FGF14: variants seen among roughly 807,000 people sequenced by gnomAD.
FGF14 encodes fibroblast growth factor homologous factor 4.
In FGF14, 5 loss-of-function variants were observed where a neutral mutation model predicts 25.5. The observed-to-expected ratio is 0.20, with a 90% CI of 0.10 to 0.41. The LOEUF is 0.41. FGF14 is among the 10% of genes least tolerant of loss of function. The pLI, the probability that FGF14 is intolerant of heterozygous loss-of-function variation, is 1.00. For missense variants in FGF14, 222 were observed against 320.1 expected (o/e 0.69, Z 2.34); for synonymous variants, 138 against 118.3 (o/e 1.17, Z -1.08).
Position 102,400,744 on chromosome 13 carries a change from C to A in FGF14, c.208+727G>T, listed in dbSNP as rs1297063102. ...CATCCCCACCCCTGGCCCTGTGGGA[C>A]CCCGACGCAGGGCTTTGACACCGCT... On this transcript the variant is annotated intron_variant, in intron 1 of 4. Transcript: ENST00000376131. The surrounding 1 kb of genome is among the most constrained non-coding windows in gnomAD (Gnocchi z 4.3). Among the ~76,000 whole-genome samples, 1 of 152,166 alleles carries A rather than the reference C, an allele frequency of 6.6e-6. No individual in the cohort carries two copies. Among genetic ancestry groups the A allele is most frequent in the Non-Finnish European group, 1.5e-5 (1 of 68,030 alleles).
chr13:102,076,951 A>G (rs1001683998), intron 1 of FGF14, among the ~76,000 whole-genome samples: 33 of 152,186 alleles, frequency 2.2e-4, no homozygotes, highest in African/African-American at 7.7e-4. Context: ...CATCAATGGA[A>G]CAGAATATAG....
At chr13:102,094,680 A>T (rs1183668433) in intron 1 of FGF14, among the ~76,000 whole-genome samples, 1 of 152,172 alleles carries the variant, frequency 6.6e-6, no homozygotes, top group African/African-American at 2.4e-5. Flanking sequence ...GGAAAAGGTA[A>T]ACAGCAGCTG....
intron 1 of FGF14, among the ~76,000 whole-genome samples, chr13:102,260,854 G>A (rs997807005): frequency 6.6e-6 from 1 of 152,166 alleles, no homozygotes; most frequent in African/African-American, 2.4e-5. Flanking sequence ...CCCCTTCTCT[G>A]AATGACGCCT....
chr13:102,124,882 C>A (rs1566717213), intron 1 of FGF14, among the ~76,000 whole-genome samples: 1 of 152,050 alleles, frequency 6.6e-6, no homozygotes, highest in Non-Finnish European at 1.5e-5. Context: ...TCTTTACCTT[C>A]CTTCTCTCTA....
At chr13:102,328,703 T>G (rs2056540362) in intron 1 of FGF14, among the ~76,000 whole-genome samples, 1 of 152,268 alleles carries the variant, frequency 6.6e-6, no homozygotes. Flanking sequence ...AATGAGTTCC[T>G]TAGTATAAAT....
In FGF14 at chr13:101,718,771, T is replaced by A. The variant is rs1273377878; in HGVS notation, c.*4060A>T. ...CAGTAGACATTGGAATTAGACTTAG[T>A]GAAAACCAGGAAAAAAAAAAAAAAC... On this transcript the variant is annotated 3_prime_UTR_variant, in exon 5 of 5. Coordinates refer to ENST00000376143, the MANE Select transcript of FGF14 (RefSeq NM_004115.4). 6.7e-6 allele frequency: 1 copy of A among 148,960 alleles called. No individual in the cohort carries two copies. Among genetic ancestry groups the A allele is most frequent in the Non-Finnish European group, 1.5e-5 (1 of 67,368 alleles). The allele number at this position is 148,960 out of a possible 1,614,324, so 9.2% of individuals were successfully genotyped here. A position where few individuals can be genotyped will look rare whatever the true frequency, so the allele number is the denominator to read the frequency against.
chr13:102,309,167 C>CA (rs549521419), intron 1 of FGF14, among the ~76,000 whole-genome samples: 45 of 151,650 alleles, frequency 3.0e-4, no homozygotes, highest in African/African-American at 1.1e-3. Flanking sequence ...CACACACACA[C>CA]ATCTCGCACA....
chr13:102,106,229 T>C (rs1487355884), intron 1 of FGF14, among the ~76,000 whole-genome samples: 1 of 152,214 alleles, frequency 6.6e-6, no homozygotes, highest in Non-Finnish European at 1.5e-5. Flanking sequence ...AATTTGCATG[T>C]ACTTTGCTTT....
At position 102,352,774 on chromosome 13, in the gene FGF14, T is replaced by A. The variant is rs375945116; in HGVS notation, c.208+48697A>T. On this transcript the variant is annotated intron_variant, in intron 1 of 4. Transcript: ENST00000376131. The stretch of plus-strand genomic sequence containing the variant: ...TTGCAGTGAGCCGAGATCGCGCCAC[T>A]GCACTCCAGCCTGGGCGACAGAGCG... Among the ~76,000 whole-genome samples the A allele has an allele frequency of 5.5e-4, 78 of 143,064 alleles. 1 individual carries two copies. In the East Asian group the frequency reaches 0.013, roughly 24 times the overall value. The allele number at this position is 143,064 out of a possible 152,430, so 93.9% of individuals were successfully genotyped here. A position where few individuals can be genotyped will look rare whatever the true frequency, so the allele number is the denominator to read the frequency against.
chr13:102,152,226 G>T (rs1413148175), intron 1 of FGF14, among the ~76,000 whole-genome samples: 5 of 152,160 alleles, frequency 3.3e-5, no homozygotes, highest in African/African-American at 1.2e-4. Flanking sequence ...AGAAATTTAA[G>T]ACTTGGTAAA....
intron 1 of FGF14, among the ~76,000 whole-genome samples, chr13:101,907,788 A>T (rs1339513356): frequency 3.9e-5 from 6 of 152,134 alleles, no homozygotes; most frequent in African/African-American, 1.2e-4. Context: ...ATACAGGAGG[A>T]TGTGGGATAA....
intron 3 of FGF14, among the ~76,000 whole-genome samples, chr13:101,850,367 T>C (rs960820745): frequency 2.2e-5 from 3 of 138,494 alleles, no homozygotes; most frequent in African/African-American, 8.0e-5. Flanking sequence ...GATAGGAGAA[T>C]CATTCTAACC....
At chr13:102,243,471 TAAC>T (rs144661362) in intron 1 of FGF14, among the ~76,000 whole-genome samples, 3,145 of 152,186 alleles carry the variant, frequency 0.021, 53 homozygotes, top group Non-Finnish European at 0.032. Flanking sequence ...CATTTATTTA[TAAC>T]AACACATAAT....
chr13:101,873,849 T>C (rs186513568), intron 2 of FGF14, among the ~76,000 whole-genome samples: 1 of 151,888 alleles, frequency 6.6e-6, no homozygotes, highest in Admixed American at 6.6e-5. Flanking sequence ...TCTTTTCCTA[T>C]ATCAAAAAGG....
At chr13:101,869,315 C>T (rs61517002) in intron 2 of FGF14, among the ~76,000 whole-genome samples, 11,514 of 152,116 alleles carry the variant, frequency 0.076, 753 homozygotes, top group East Asian at 0.29. Context: ...GATACGCCAG[C>T]GAAGCCAGGA....
chr13:102,160,256 T>C (rs1229470502), intron 1 of FGF14, among the ~76,000 whole-genome samples: 2 of 152,154 alleles, frequency 1.3e-5, no homozygotes, highest in Non-Finnish European at 2.9e-5. Context: ...AGATTCTGCC[T>C]CCTGTGGCCC....
intron 1 of FGF14, among the ~76,000 whole-genome samples, chr13:102,343,020 T>C (rs1249545711): frequency 2.6e-5 from 4 of 152,178 alleles, no homozygotes; most frequent in Non-Finnish European, 5.9e-5. Flanking sequence ...TATTTTGGAA[T>C]TGCAGGCAAA....
At chr13:102,154,800 A>G (rs533887577) in intron 1 of FGF14, among the ~76,000 whole-genome samples, 29 of 152,292 alleles carry the variant, frequency 1.9e-4, no homozygotes, top group Middle Eastern at 3.4e-3. Flanking sequence ...CATAGGCTCA[A>G]AATAAAGGGA....
chr13:102,113,527 A>G (rs1048090707), intron 1 of FGF14, among the ~76,000 whole-genome samples: 1 of 152,220 alleles, frequency 6.6e-6, no homozygotes. Flanking sequence ...TCAGTTGTCA[A>G]TATATCTATA....
Sources: gnomAD v4.1 joint callset for allele counts (sites outside exome capture counted in the v4.1 genomes callset) on GRCh38, gnomAD v4.1.1 for gene constraint, Gnocchi (gnomAD v3.1) non-coding constraint, MANE v1.5 for transcripts, NCBI Gene and HGNC (gene_info 2026-07-23, HGNC 2026-07-21) for gene names.